Variants in FHL3 observed in about 807,000 individuals in gnomAD.
FHL3 encodes four and a half LIM domains 3.
Under a neutral mutation model 34.3 loss-of-function variants are expected in FHL3, and 21 were observed. The observed-to-expected ratio is 0.61, with a 90% CI of 0.43 to 0.88. The LOEUF (loss-of-function observed/expected upper bound fraction) is 0.88. FHL3 is among the 40% of genes least tolerant of loss of function. The pLI is 0.00. For missense variants in FHL3, 333 were observed against 373.7 expected (o/e 0.89, Z 0.90); for synonymous variants, 137 against 144.6 (o/e 0.95, Z 0.38).
Position 38,000,796 on chromosome 1 carries a change from G to T in FHL3, c.-20-1364C>A, listed in dbSNP as rs114145829. Among the ~76,000 whole-genome samples the T allele has an allele frequency of 5.2e-3, 796 of 152,244 alleles. 9 individuals carry two copies. The highest frequency in any genetic ancestry group is 0.018 in the African/African-American group (756 of 41,534). On this transcript the variant is annotated intron_variant, in intron 1 of 5. Transcript: ENST00000373016. ...CCATCATGAAGGCTGCTCTCTAAGG[G>T]CTGGGATCCTGGGGTAGTGGAGAGG...
At chr1:38,002,270 T>C (rs1646603430) in intron 1 of FHL3, among the ~76,000 whole-genome samples, 1 of 151,866 alleles carries the variant, frequency 6.6e-6, no homozygotes, top group Admixed American at 6.6e-5. Flanking sequence ...GGCTAATTTT[T>C]TGTATTTTTA....
chr1:37,999,643 G>GA (rs1646573429), intron 1 of FHL3, among the ~76,000 whole-genome samples: 1 of 151,944 alleles, frequency 6.6e-6, no homozygotes, highest in Admixed American at 6.6e-5. Context: ...AAGAGGTCAG[G>GA]AAAAAAACCA....
At position 37,997,188 on chromosome 1, in the gene FHL3, A is replaced by T. The variant is rs1646541962; in HGVS notation, c.*217T>A. Reference sequence around the variant, plus strand: ...TGAATTCTGGAGTCCAGGTGTGGGGAGGGGGCTTGACTCATGGAGGCTCTG... The same window carrying T: ...TGAATTCTGGAGTCCAGGTGTGGGGTGGGGGCTTGACTCATGGAGGCTCTG... On this transcript the variant is annotated 3_prime_UTR_variant, in exon 6 of 6. Transcript: ENST00000373016. This position sits in a 1 kb window ranked among gnomAD's most constrained non-coding sequence, Gnocchi z 4.3. 3.7e-6 allele frequency: 2 copies of T among 544,202 alleles called. No individual in the cohort carries two copies. The highest frequency in any genetic ancestry group is 6.5e-6 in the Non-Finnish European group (2 of 305,658). 33.7% of individuals were successfully genotyped at this position (544,202 alleles called of 1,614,324 possible). A position where few individuals can be genotyped will look rare whatever the true frequency, so the allele number is the denominator to read the frequency against.
chr1:38,001,597 C>T (rs1410577166), intron 1 of FHL3, among the ~76,000 whole-genome samples: 12 of 152,256 alleles, frequency 7.9e-5, no homozygotes, highest in Non-Finnish European at 1.5e-4. Context: ...CCATACCCCT[C>T]TCCCTGCCCT....
intron 3 of FHL3, among the ~76,000 whole-genome samples, chr1:37,998,336 G>A (rs929814194): frequency 2.0e-5 from 3 of 152,038 alleles, no homozygotes; most frequent in South Asian, 2.1e-4. Context: ...AGCTAGACAC[G>A]AGGGTTTTGG....
chr1:37,997,542 A>G lies in FHL3; in HGVS notation c.706T>C (p.Tyr236His). The change falls in exon 6 of 6, where the codon TAT becomes CAT. Residue 236 changes from tyrosine (Y) to histidine (H), a missense_variant. Tyr to His is a moderately conservative substitution (Grantham distance 83). Coordinates refer to ENST00000373016, the MANE Select transcript of FHL3 (RefSeq NM_004468.5). The surrounding 1 kb of genome is among the most constrained non-coding windows in gnomAD (Gnocchi z 4.3). Reference protein sequence around the residue: ...RPIVGLGGGKYVSFEDRHWHH... With the variant: ...RPIVGLGGGKHVSFEDRHWHH... ...CAGTGTCGGTCTTCAAAGGACACAT[A>G]CTTGCCTCCACCGAGTCCTGGAGGG... 6.2e-7 allele frequency: 1 copy of G among 1,613,228 alleles called. No homozygotes were observed. Among genetic ancestry groups the G allele is most frequent in the Non-Finnish European group, 8.5e-7 (1 of 1,179,690 alleles).
In FHL3 at chr1:37,997,297, G is replaced by C; in HGVS notation, c.*108C>G. ...GGGAGACAATCCTGGAGCCCAGAAG[G>C]AGACCCATTTTTTTTGGCGGGGGGA... On this transcript the variant is annotated 3_prime_UTR_variant, in exon 6 of 6. Coordinates refer to ENST00000373016, the MANE Select transcript of FHL3 (RefSeq NM_004468.5). The surrounding 1 kb of genome is among the most constrained non-coding windows in gnomAD (Gnocchi z 4.3). The C allele has an allele frequency of 8.2e-7, 1 of 1,212,840 alleles. No individual in the cohort carries two copies. Among genetic ancestry groups the C allele is most frequent in the Middle Eastern group, 2.0e-4 (1 of 5,028 alleles). The allele number at this position is 1,212,840 out of a possible 1,614,324, so 75.1% of individuals were successfully genotyped here. A position where few individuals can be genotyped will look rare whatever the true frequency, so the allele number is the denominator to read the frequency against.
intron 3 of FHL3, chr1:37,998,620 A>G (rs922250926): frequency 1.1e-4 from 32 of 289,340 alleles, no homozygotes; most frequent in Non-Finnish European, 1.9e-4. Context: ...CATTTCTATT[A>G]GGCATGCAGG....
intron 1 of FHL3, among the ~76,000 whole-genome samples, chr1:38,000,532 T>C (rs946879865): frequency 6.6e-6 from 1 of 151,614 alleles, no homozygotes; most frequent in East Asian, 2.0e-4. Context: ...GGGTGGGGAG[T>C]AGGACAAGGG....
chr1:38,000,119 C>T (rs1570484633), intron 1 of FHL3, among the ~76,000 whole-genome samples: 1 of 152,228 alleles, frequency 6.6e-6, no homozygotes, highest in South Asian at 2.1e-4. Flanking sequence ...CACAGCCAGT[C>T]TTCCCTAGCT....
chr1:38,003,818 G>C (rs976465980), intron 1 of FHL3, among the ~76,000 whole-genome samples: 2 of 152,176 alleles, frequency 1.3e-5, no homozygotes, highest in Admixed American at 6.5e-5. Flanking sequence ...GGTGACATGG[G>C]GGTGGTCAGT....
chr1:38,001,484 T>C (rs1303584042), intron 1 of FHL3, among the ~76,000 whole-genome samples: 2 of 152,240 alleles, frequency 1.3e-5, no homozygotes, highest in Admixed American at 6.5e-5. Flanking sequence ...GGTATGGGCA[T>C]GGCTTCTATT....
intron 2 of FHL3, 29 bp downstream of exon 2, chr1:37,999,228 C>T: frequency 6.2e-7 from 1 of 1,614,120 alleles, no homozygotes; most frequent in Non-Finnish European, 8.5e-7. Context: ...TCACCACCCA[C>T]CTCCTGCCTG....
intron 1 of FHL3, among the ~76,000 whole-genome samples, chr1:38,003,426 A>T (rs1646614531): frequency 6.6e-6 from 1 of 152,170 alleles, no homozygotes; most frequent in Non-Finnish European, 1.5e-5. Context: ...TGACCTGGAC[A>T]TTCTCAGCAT....
At chr1:37,998,154 T>C (rs2148730005) in intron 3 of FHL3, 22 bp from the exon 4 acceptor site, 1 of 1,611,652 alleles carries the variant, frequency 6.2e-7, no homozygotes, top group East Asian at 2.2e-5. Flanking sequence ...AGGGGTCCCA[T>C]TTAGAGGTTG....
At chr1:38,000,996 C>A (rs967777179) in intron 1 of FHL3, among the ~76,000 whole-genome samples, 1 of 152,208 alleles carries the variant, frequency 6.6e-6, no homozygotes, top group Non-Finnish European at 1.5e-5. Flanking sequence ...TTCTCATCCA[C>A]CCCCAGTGCG....
At position 37,999,380 on chromosome 1, in the gene FHL3, G is replaced by A. The variant is rs758664847; in HGVS notation, c.33C>T (p.Asn11=). 78 of 1,614,116 alleles carry A rather than the reference G, an allele frequency of 4.8e-5. No individual in the cohort carries two copies. The highest frequency in any genetic ancestry group is 1.5e-4 in the Admixed American group (9 of 60,006). ...TGTACTTGCGTCCATACAGGGACTCGTTGCATTTTGCACAGTCAAATGACT... is the reference window on the plus strand; with the variant it reads ...TGTACTTGCGTCCATACAGGGACTCATTGCATTTTGCACAGTCAAATGACT... MSESFDCAKC[N]ESLYGRKYIQ... Residue 11 remains asparagine (N), a synonymous_variant, in exon 2 of 6, where the codon AAC becomes AAT. Transcript: ENST00000373016.
Position 37,997,409 on chromosome 1 carries a change from G to T in FHL3, c.839C>A (p.Pro280His). 8.7e-6 allele frequency: 14 copies of T among 1,613,464 alleles called. No individual in the cohort carries two copies. The highest frequency in any genetic ancestry group is 1.1e-5 in the Non-Finnish European group (13 of 1,179,732). Residue 280 changes from proline to histidine, a missense_variant, in exon 6 of 6, where the codon CCC (proline) becomes CAC (histidine). Transcript: ENST00000373016. The surrounding 1 kb of genome is among the most constrained non-coding windows in gnomAD (Gnocchi z 4.3). ...VLCQGCSQAG[P>H] ...CCTGGGTCCAGGAGCCCTGGCTTAG[G>T]GCCCTGCCTGGCTACAGCCCTGGCA...
At chr1:38,000,674 G>A (rs1027034642) in intron 1 of FHL3, among the ~76,000 whole-genome samples, 4 of 152,162 alleles carry the variant, frequency 2.6e-5, no homozygotes, top group African/African-American at 9.7e-5. Flanking sequence ...AGGAGCCTAG[G>A]GAGTGGAGCG....
Sources: allele counts gnomAD v4.1 joint callset (sites outside exome capture counted in the v4.1 genomes callset), GRCh38; gene constraint gnomAD v4.1.1; non-coding constraint Gnocchi (gnomAD v3.1); transcripts MANE v1.5; gene names NCBI Gene and HGNC (gene_info 2026-07-23, HGNC 2026-07-21).